The following CTIF variants were observed in gnomAD, a reference collection of about 807,000 sequenced individuals.
CTIF encodes CBP80/20-dependent translation initiation factor.
A neutral mutation model predicts 66.0 loss-of-function variants in CTIF; 21 were observed. That is an observed-to-expected ratio of 0.32 (90% confidence interval 0.23 to 0.46). The LOEUF is 0.46. Ranked by LOEUF, CTIF falls within the 20% of genes least tolerant of loss-of-function variation. The pLI is 1.00. For synonymous variants in CTIF, 345 were observed against 326.4 expected, an observed-to-expected ratio of 1.06 and a Z score of -0.62; for missense variants, 739 against 812.7, an observed-to-expected ratio of 0.91 and a Z score of 1.10.
At chr18:48,543,408 G>C (rs896888724) in intron 1 of CTIF, among the ~76,000 whole-genome samples, 3 of 152,124 alleles carry the variant, frequency 2.0e-5, no homozygotes, top group African/African-American at 4.8e-5. Context: ...CTGACTCACC[G>C]GCACCCTGAG....
chr18:48,633,304 T>G (rs1437712266), intron 2 of CTIF, among the ~76,000 whole-genome samples: 18 of 152,174 alleles, frequency 1.2e-4, no homozygotes. Flanking sequence ...AAGCAGAAAC[T>G]ACTCCAATAT....
At chr18:48,814,916 A>AAGGAGTGGGGAGGCAGG (rs528173537) in intron 9 of CTIF, among the ~76,000 whole-genome samples, 272 of 152,314 alleles carry the variant, frequency 1.8e-3, no homozygotes, top group Admixed American at 3.5e-3. Context: ...TTCAGTGAGA[A>AAGGAGTGGGGAGGCAGG]AGGAGTGGGG....
chr18:48,779,700 G>T (rs560349167), intron 9 of CTIF, among the ~76,000 whole-genome samples: 1 of 152,214 alleles, frequency 6.6e-6, no homozygotes, highest in Non-Finnish European at 1.5e-5. Context: ...TCTTGCCGGG[G>T]GTGGGGGAGA....
chr18:48,586,067 C>G (rs1045370557), intron 1 of CTIF, among the ~76,000 whole-genome samples: 1 of 152,108 alleles, frequency 6.6e-6, no homozygotes, highest in Non-Finnish European at 1.5e-5. Flanking sequence ...GTGGCCTCTG[C>G]CCTCACTTTT....
At chr18:48,775,785 G>C (rs555850220) in intron 9 of CTIF, among the ~76,000 whole-genome samples, 1 of 152,356 alleles carries the variant, frequency 6.6e-6, no homozygotes, top group East Asian at 1.9e-4. Context: ...ACAACAAGAG[G>C]ATCTGTAAGT....
Position 48,859,996 on chromosome 18 carries a change from C to T in CTIF, c.*437C>T, listed in dbSNP as rs1462065199. On this transcript the variant is annotated 3_prime_UTR_variant, in exon 12 of 12. Coordinates refer to ENST00000256413, the MANE Select transcript of CTIF (RefSeq NM_014772.3). Reference sequence around the variant, plus strand: ...TGAAAAAGTGGGTCGGAGACGGGCTCGCATTGTTCCCGCATGCTGTCAGCC... The same window carrying T: ...TGAAAAAGTGGGTCGGAGACGGGCTTGCATTGTTCCCGCATGCTGTCAGCC... 2 of 458,816 alleles carry T rather than the reference C, an allele frequency of 4.4e-6. No homozygotes were observed. The highest frequency in any genetic ancestry group is 2.3e-5 in the Admixed American group (1 of 42,610). The allele number at this position is 458,816 out of a possible 1,614,324, so 28.4% of individuals were successfully genotyped here.
At chr18:48,827,132 C>G (rs975670900) in intron 10 of CTIF, among the ~76,000 whole-genome samples, 1 of 152,114 alleles carries the variant, frequency 6.6e-6, no homozygotes, top group Non-Finnish European at 1.5e-5. Flanking sequence ...CAGAGGTGTT[C>G]TAGTGAATGC....
At chr18:48,628,333 G>A (rs533875586) in intron 2 of CTIF, among the ~76,000 whole-genome samples, 1 of 152,302 alleles carries the variant, frequency 6.6e-6, no homozygotes, top group East Asian at 1.9e-4. Context: ...CCCAGGGGGT[G>A]AGGAAGTTTA....
intron 3 of CTIF, among the ~76,000 whole-genome samples, chr18:48,653,483 A>G (rs1432974523): frequency 1.3e-5 from 2 of 152,232 alleles, no homozygotes; most frequent in African/African-American, 4.8e-5. Context: ...AGAGGACACA[A>G]ACAAATGGAA....
chr18:48,734,315 TAGC>T (rs925760662), intron 7 of CTIF, among the ~76,000 whole-genome samples: 15 of 152,290 alleles, frequency 9.8e-5, no homozygotes, highest in Admixed American at 9.8e-4. Context: ...CCTGTAATCC[TAGC>T]ACTTTGGGAT....
chr18:48,769,962 A>G (rs1599011237), intron 9 of CTIF, among the ~76,000 whole-genome samples: 1 of 152,298 alleles, frequency 6.6e-6, no homozygotes, highest in East Asian at 1.9e-4. Flanking sequence ...CTTAGACCAG[A>G]TCGCCCTGAC....
intron 1 of CTIF, among the ~76,000 whole-genome samples, chr18:48,541,212 C>T (rs1161994706): frequency 6.6e-6 from 1 of 152,178 alleles, no homozygotes; most frequent in Non-Finnish European, 1.5e-5. Flanking sequence ...AGCCCAAGCC[C>T]AGCGCGCCCC....
chr18:48,725,449 C>T (rs181605777), intron 7 of CTIF, among the ~76,000 whole-genome samples: 23 of 152,256 alleles, frequency 1.5e-4, no homozygotes, highest in Middle Eastern at 6.8e-3. Context: ...GCGCCCTTTC[C>T]GGGAGACAGC....
rs569838974 is a variant in CTIF, at chr18:48,650,989, A to G, written c.253-12763A>G. ...AGGCCTGCCTTACAGGAGCTCCTGA[A>G]GGAAGCACTAAACGTGGAAAGGAAC... On this transcript the variant is annotated intron_variant, in intron 3 of 11. Transcript: ENST00000256413. Among the ~76,000 whole-genome samples the G allele has an allele frequency of 1.2e-4, 18 of 152,340 alleles. No homozygotes were observed. In the East Asian group the frequency reaches 3.5e-3, roughly 29 times the overall value.
intron 7 of CTIF, among the ~76,000 whole-genome samples, chr18:48,733,835 C>A (rs567086511): frequency 6.6e-6 from 1 of 152,348 alleles, no homozygotes; most frequent in East Asian, 1.9e-4. Flanking sequence ...CTCACCCTCG[C>A]AGCCCTTCCC....
At position 48,859,803 on chromosome 18, in the gene CTIF, T is replaced by A; in HGVS notation, c.*244T>A. On this transcript the variant is annotated 3_prime_UTR_variant, in exon 12 of 12. Transcript: ENST00000256413. ...ACCAATAAGGGAAGCATGTTTCTTT[T>A]TCCTGGTGGCCCTGGCCCTCCCCTT... The A allele has an allele frequency of 1.5e-6, 1 of 665,000 alleles. No homozygotes were observed. The highest frequency in any genetic ancestry group is 2.8e-6 in the Non-Finnish European group (1 of 360,686). The allele number at this position is 665,000 out of a possible 1,614,324, so 41.2% of individuals were successfully genotyped here. A position where few individuals can be genotyped will look rare whatever the true frequency, so the allele number is the denominator to read the frequency against.
At chr18:48,736,650 T>A (rs1024666669) in intron 7 of CTIF, among the ~76,000 whole-genome samples, 24 of 152,230 alleles carry the variant, frequency 1.6e-4, no homozygotes, top group African/African-American at 5.5e-4. Flanking sequence ...GGCTCCAGAC[T>A]TGAAATTTTC....
At position 48,818,528 on chromosome 18, in the gene CTIF, G is replaced by A. The variant is rs545615688; in HGVS notation, c.1527+1152G>A. Among the ~76,000 whole-genome samples, 4 of 152,262 alleles carry A rather than the reference G, an allele frequency of 2.6e-5. No homozygotes were observed. In the South Asian group the frequency reaches 8.3e-4, roughly 32 times the overall value. ...TGCCCGGAGGTTGGCCGGGTGGAAGGGTCTAGAGATCCTGAAGAGGTCACG... is the reference window on the plus strand; with the variant it reads ...TGCCCGGAGGTTGGCCGGGTGGAAGAGTCTAGAGATCCTGAAGAGGTCACG... On this transcript the variant is annotated intron_variant, in intron 10 of 11. Coordinates refer to ENST00000256413, the MANE Select transcript of CTIF (RefSeq NM_014772.3).
intron 9 of CTIF, among the ~76,000 whole-genome samples, chr18:48,772,253 A>C (rs1356312845): frequency 6.6e-6 from 1 of 152,200 alleles, no homozygotes. Flanking sequence ...ACAGAGGAGG[A>C]AGAGGGCAGG....
Sources: allele counts gnomAD v4.1 joint callset (sites outside exome capture counted in the v4.1 genomes callset), GRCh38; gene constraint gnomAD v4.1.1; transcripts MANE v1.5; gene names NCBI Gene and HGNC (gene_info 2026-07-23, HGNC 2026-07-21).